SLC4A7: variants seen among roughly 807,000 people sequenced by gnomAD.
The protein encoded by SLC4A7 is sodium bicarbonate cotransporter 3.
Under a neutral mutation model 137.6 loss-of-function variants are expected in SLC4A7, and 51 were observed. The ratio of observed to expected loss-of-function variants is 0.37; its 90% CI spans 0.30 to 0.47. The LOEUF is 0.47. Ranked by LOEUF, SLC4A7 falls within the 20% of genes least tolerant of loss-of-function variation. The probability of loss-of-function intolerance (pLI) is 1.00; values close to 1 mark genes in which losing one functional copy is unlikely to be tolerated. For missense variants in SLC4A7, 1,247 were observed against 1,525.4 expected (o/e 0.82, Z 3.04); for synonymous variants, 542 against 518.6 (o/e 1.05, Z -0.61).
intron 1 of SLC4A7, 135 bp from the exon 2 acceptor site, chr3:27,452,633 G>T (rs1054337253): frequency 2.6e-5 from 12 of 461,158 alleles, no homozygotes; most frequent in Non-Finnish European, 4.5e-5. Context: ...ACAGCTAATT[G>T]CATTCTTTTA....
intron 11 of SLC4A7, among the ~76,000 whole-genome samples, chr3:27,416,350 C>A (rs778064215): frequency 6.6e-6 from 1 of 152,104 alleles, no homozygotes; most frequent in Non-Finnish European, 1.5e-5. Flanking sequence ...GGATTTAATA[C>A]TGCATCTTTA....
intron 18 of SLC4A7, among the ~76,000 whole-genome samples, chr3:27,396,710 G>C (rs896245367): frequency 1.3e-5 from 2 of 152,014 alleles, no homozygotes; most frequent in African/African-American, 4.8e-5. Context: ...TAAACCAGCT[G>C]CTTCTGAAAG....
At chr3:27,418,389 G>A (rs2054604512) in intron 11 of SLC4A7, 97 bp downstream of exon 11, 1 of 911,808 alleles carries the variant, frequency 1.1e-6, no homozygotes, top group South Asian at 1.6e-5. Context: ...ACGAGGTGGG[G>A]ATAAAACTTC....
chr3:27,478,203 A>G (rs59970885), intron 1 of SLC4A7, among the ~76,000 whole-genome samples: 31 of 69,116 alleles, frequency 4.5e-4, no homozygotes, highest in African/African-American at 1.1e-3. Context: ...AAAAATGAGG[A>G]AAAAAAAAAA....
rs1196307818 is a variant in SLC4A7, at chr3:27,383,239, C to T, written c.3504G>A (p.Arg1168=). The change falls in exon 24 of 26, where the codon CGG becomes CGA. Residue 1168 remains arginine, a synonymous_variant. Transcript: ENST00000454389. ...KKKKEKEEAE[R]MLQDDDDTVH... ...CAGTATCATCATCATCTTGAAGCAT[C>T]CGTTCAGCTTCCTTTATAACACATG... 2.5e-6 allele frequency: 4 copies of T among 1,608,538 alleles called. No individual in the cohort carries two copies. Among genetic ancestry groups the T allele is most frequent in the Non-Finnish European group, 3.4e-6 (4 of 1,175,894 alleles).
intron 5 of SLC4A7, among the ~76,000 whole-genome samples, chr3:27,435,256 T>C (rs1466348994): frequency 6.6e-6 from 1 of 152,230 alleles, no homozygotes; most frequent in Non-Finnish European, 1.5e-5. Flanking sequence ...TTGGTTTTTA[T>C]TAATTTTAGT....
intron 24 of SLC4A7, among the ~76,000 whole-genome samples, chr3:27,381,719 A>C (rs1228138714): frequency 6.6e-6 from 1 of 152,232 alleles, no homozygotes; most frequent in Non-Finnish European, 1.5e-5. Context: ...ATTTTCTATC[A>C]ACTGGTCAGG....
At chr3:27,470,596 A>C (rs1234330782) in intron 1 of SLC4A7, among the ~76,000 whole-genome samples, 3 of 151,458 alleles carry the variant, frequency 2.0e-5, no homozygotes, top group Non-Finnish European at 4.4e-5. Context: ...TTTTAAGAAA[A>C]GGAATAAAAG....
chr3:27,385,611 A>T (rs1306463126), intron 23 of SLC4A7, among the ~76,000 whole-genome samples: 4 of 152,174 alleles, frequency 2.6e-5, no homozygotes, highest in Non-Finnish European at 5.9e-5. Context: ...TTTAGTAAGC[A>T]CATGATATGT....
intron 25 of SLC4A7, 49 bp downstream of exon 25, chr3:27,379,200 T>C: frequency 1.1e-6 from 1 of 910,842 alleles, no homozygotes; most frequent in Non-Finnish European, 1.7e-6. Flanking sequence ...CTATCATAAG[T>C]AAATGAAAAT....
rs1276428273 is a variant in SLC4A7 at position 27,402,298 on chromosome 3, T to C, written c.2321+841A>G. Among the ~76,000 whole-genome samples, 3 of 152,226 alleles carry C rather than the reference T, an allele frequency of 2.0e-5. No homozygotes were observed. The East Asian group carries it at 5.8e-4, about 29-fold the overall frequency. On this transcript the variant is annotated intron_variant, in intron 15 of 25. Transcript: ENST00000454389. ...AACTTTTGTAACCACTACACATTCC[T>C]TTTCAAATCCTACTTTATTCTAGAA...
intron 6 of SLC4A7, 74 bp from the exon 7 acceptor site, chr3:27,431,743 C>A: frequency 2.1e-6 from 3 of 1,427,912 alleles, no homozygotes; most frequent in South Asian, 3.1e-5. Context: ...AAAAAAAAAT[C>A]AATTTACACT....
At chr3:27,431,834 A>T (rs1196652509) in intron 6 of SLC4A7, among the ~76,000 whole-genome samples, 165 bp from the exon 7 acceptor site, 1 of 152,226 alleles carries the variant, frequency 6.6e-6, no homozygotes, top group African/African-American at 2.4e-5. Context: ...CATGTTAGAA[A>T]GTCACTAAAA....
intron 4 of SLC4A7, 78 bp downstream of exon 4, chr3:27,437,310 C>T (rs780374945): frequency 1.1e-6 from 1 of 902,010 alleles, no homozygotes; most frequent in Non-Finnish European, 1.6e-6. Flanking sequence ...CAGATCGCAC[C>T]ATCGCACTCC....
At chr3:27,444,728 C>T (rs944020375) in intron 3 of SLC4A7, among the ~76,000 whole-genome samples, 1 of 152,146 alleles carries the variant, frequency 6.6e-6, no homozygotes, top group Admixed American at 6.5e-5. Flanking sequence ...CATAAATATG[C>T]TAGTTGCTTT....
intron 3 of SLC4A7, among the ~76,000 whole-genome samples, chr3:27,445,949 AAAAAAAAAAAAAAAATATATAT>A (rs2057570884): frequency 2.1e-5 from 1 of 47,456 alleles, no homozygotes; most frequent in Non-Finnish European, 3.7e-5. Flanking sequence ...AAAAAAAAAA[AAAAAAAAAAAAAAAATATATAT>A]ATATATATAT....
intron 1 of SLC4A7, among the ~76,000 whole-genome samples, chr3:27,481,588 A>G (rs1376437229): frequency 1.3e-5 from 2 of 152,236 alleles, no homozygotes; most frequent in South Asian, 2.1e-4. Flanking sequence ...ATCAACGCCA[A>G]TAGTTCCTCT....
At chr3:27,414,475 T>C (rs2054198248) in intron 11 of SLC4A7, among the ~76,000 whole-genome samples, 1 of 152,178 alleles carries the variant, frequency 6.6e-6, no homozygotes, top group Non-Finnish European at 1.5e-5. Context: ...TCCTATATTT[T>C]CACAATACAG....
intron 1 of SLC4A7, among the ~76,000 whole-genome samples, chr3:27,457,165 G>C (rs1482595394): frequency 2.0e-5 from 3 of 151,698 alleles, no homozygotes; most frequent in Admixed American, 6.6e-5. Flanking sequence ...AATTCCTGAA[G>C]ACCGAAAAGG....
Sources: allele counts gnomAD v4.1 joint callset (sites outside exome capture counted in the v4.1 genomes callset), GRCh38; gene constraint gnomAD v4.1.1; transcripts MANE v1.5; gene names NCBI Gene and HGNC (gene_info 2026-07-23, HGNC 2026-07-21).